The following DNAH11 variants were observed in gnomAD, a reference collection of about 807,000 sequenced individuals.
DNAH11 encodes dynein axonemal heavy chain 11, also known as axonemal beta dynein heavy chain 11.
DNAH11 carries 442 observed loss-of-function variants against 526.0 expected under a neutral mutation model. The observed-to-expected ratio is 0.84, with a 90% CI of 0.78 to 0.91. The LOEUF is 0.91. Ranked by LOEUF, DNAH11 falls within the 40% of genes least tolerant of loss-of-function variation. DNAH11 has a pLI of 0.00. For synonymous variants in DNAH11, 2,461 were observed against 1,935.9 expected (o/e 1.27, Z -7.12); for missense variants, 6,989 against 5,448.7 (o/e 1.28, Z -8.90).
chr7:21,735,671 G>A lies in DNAH11; in HGVS notation c.7472G>A (p.Arg2491His), dbSNP rs369438218. ...TVLVHTTETARLRYFMELLLE... is the reference protein window; with the variant it reads ...TVLVHTTETAHLRYFMELLLE... Reference sequence around the variant, plus strand: ...CTCGTTCACACAACAGAGACAGCTCGTCTTAGATATTTCATGGAGTTGTTG... The same window carrying A: ...CTCGTTCACACAACAGAGACAGCTCATCTTAGATATTTCATGGAGTTGTTG... The change falls in exon 46 of 82, where the codon CGT (arginine) becomes CAT (histidine). Residue 2491 changes from arginine to histidine, a missense_variant. Transcript: ENST00000409508. 9.2e-5 allele frequency: 148 copies of A among 1,606,722 alleles called. No individual in the cohort carries two copies. Among genetic ancestry groups the A allele is most frequent in the African/African-American group, 4.1e-4 (31 of 74,808 alleles).
At chr7:21,594,520 T>C (rs1784800157) in intron 14 of DNAH11, among the ~76,000 whole-genome samples, 1 of 152,046 alleles carries the variant, frequency 6.6e-6, no homozygotes, top group Non-Finnish European at 1.5e-5. Flanking sequence ...AAGATCAAAT[T>C]GGAGCAGGGC....
chr7:21,863,867 T>A (rs1054841958), intron 69 of DNAH11, among the ~76,000 whole-genome samples: 1 of 152,194 alleles, frequency 6.6e-6, no homozygotes, highest in African/African-American at 2.4e-5. Flanking sequence ...ATATCTGGAA[T>A]TTTAAGATAA....
intron 64 of DNAH11, among the ~76,000 whole-genome samples, chr7:21,817,936 A>C (rs897197333): frequency 6.6e-6 from 1 of 152,188 alleles, no homozygotes; most frequent in Non-Finnish European, 1.5e-5. Context: ...ACTTACACTT[A>C]TTTCAACTAC....
At chr7:21,756,876 G>T (rs375945909) in intron 54 of DNAH11, among the ~76,000 whole-genome samples, 3 of 152,144 alleles carry the variant, frequency 2.0e-5, no homozygotes, top group African/African-American at 7.2e-5. Context: ...AATGTGGCAC[G>T]TGTCTTCCTT....
chr7:21,572,796 G>C (rs1783943759), intron 8 of DNAH11, among the ~76,000 whole-genome samples: 1 of 152,176 alleles, frequency 6.6e-6, no homozygotes, highest in East Asian at 1.9e-4. Flanking sequence ...GTTAATGGTA[G>C]AAGGACACTG....
chr7:21,793,122 C>A (rs1050159868), intron 61 of DNAH11, among the ~76,000 whole-genome samples: 1 of 152,150 alleles, frequency 6.6e-6, no homozygotes, highest in Non-Finnish European at 1.5e-5. Flanking sequence ...TTCTTAATGT[C>A]ATTGACCAAC....
intron 21 of DNAH11, among the ~76,000 whole-genome samples, chr7:21,615,733 T>C (rs1441556673): frequency 6.6e-6 from 1 of 152,090 alleles, no homozygotes; most frequent in Non-Finnish European, 1.5e-5. Flanking sequence ...GAATGAGGCA[T>C]ATTGCAACAA....
In DNAH11 at chr7:21,704,590, G is replaced by A; in HGVS notation, c.6430G>A (p.Glu2144Lys). ...FEQMVRQSTLELRLQPEESFI... is the reference protein window; with the variant it reads ...FEQMVRQSTLKLRLQPEESFI... ...ACAGATGGTCAGGCAGTCTACCCTG[G>A]AGCTCCGCCTGCAGCCTGAAGAGAG... The change falls in exon 38 of 82, where the codon GAG (glutamate) becomes AAG (lysine). Residue 2144 changes from glutamate to lysine, a missense_variant. Glu to Lys is a moderately conservative substitution (Grantham distance 56). Coordinates refer to ENST00000409508, the MANE Select transcript of DNAH11 (RefSeq NM_001277115.2). 1.2e-6 allele frequency: 2 copies of A among 1,611,052 alleles called. No homozygotes were observed. The highest frequency in any genetic ancestry group is 1.7e-4 in the Middle Eastern group (1 of 6,050).
At position 21,892,304 on chromosome 7, in the gene DNAH11, C is replaced by T. The variant is rs1459387007; in HGVS notation, c.12508-121C>T. ...GTTGATTATAAAACAGTTTAGGGAGCCTGCTACCCAGACAGCATTGTGCTG... is the reference window on the plus strand; with the variant it reads ...GTTGATTATAAAACAGTTTAGGGAGTCTGCTACCCAGACAGCATTGTGCTG... On this transcript the variant is annotated intron_variant, in intron 76 of 81. Coordinates refer to ENST00000409508, the MANE Select transcript of DNAH11 (RefSeq NM_001277115.2). The T allele has an allele frequency of 9.4e-6, 13 of 1,386,218 alleles. No individual in the cohort carries two copies. The South Asian group carries it at 1.9e-4, about 20-fold the overall frequency. 85.9% of individuals were successfully genotyped at this position (1,386,218 alleles called of 1,614,324 possible). A position where few individuals can be genotyped will look rare whatever the true frequency, so the allele number is the denominator to read the frequency against.
chr7:21,546,296 C>T (rs75922691), intron 2 of DNAH11, among the ~76,000 whole-genome samples: 3,894 of 152,318 alleles, frequency 0.026, 177 homozygotes, highest in African/African-American at 0.088. Flanking sequence ...GGTTTCCCTT[C>T]GCTCCTGTTG....
chr7:21,769,161 C>G (rs1159134797), intron 55 of DNAH11, among the ~76,000 whole-genome samples: 1 of 152,142 alleles, frequency 6.6e-6, no homozygotes, highest in Non-Finnish European at 1.5e-5. Flanking sequence ...CCACATTTAT[C>G]TTGATTCTGC....
intron 66 of DNAH11, among the ~76,000 whole-genome samples, chr7:21,846,723 A>G (rs908456934): frequency 1.2e-4 from 18 of 152,122 alleles, no homozygotes; most frequent in African/African-American, 4.3e-4. Context: ...TGCTTGCCCT[A>G]TAGAATGAGA....
intron 55 of DNAH11, among the ~76,000 whole-genome samples, chr7:21,771,693 C>G (rs1369878063): frequency 6.6e-6 from 1 of 152,050 alleles, no homozygotes; most frequent in African/African-American, 2.4e-5. Flanking sequence ...TGCTAAATGA[C>G]TATAAGTGGT....
intron 52 of DNAH11, among the ~76,000 whole-genome samples, 159 bp downstream of exon 52, chr7:21,748,901 G>T (rs915416740): frequency 1.3e-5 from 2 of 152,116 alleles, no homozygotes; most frequent in African/African-American, 4.8e-5. Flanking sequence ...GACCTTTGGC[G>T]GTTTTGCCTT....
chr7:21,863,575 C>T (rs1434195312), intron 69 of DNAH11, among the ~76,000 whole-genome samples: 1 of 152,144 alleles, frequency 6.6e-6, no homozygotes, highest in Admixed American at 6.5e-5. Flanking sequence ...ATCTGCCCGC[C>T]TCTGCCTCCG....
At chr7:21,789,526 T>G (rs1331230121) in intron 61 of DNAH11, among the ~76,000 whole-genome samples, 184 bp downstream of exon 61, 2 of 152,106 alleles carry the variant, frequency 1.3e-5, no homozygotes, top group African/African-American at 4.8e-5. Flanking sequence ...TGGTAGATGC[T>G]GAACTGGGAA....
At chr7:21,739,479 T>C in intron 47 of DNAH11, 92 bp from the exon 48 acceptor site, 1 of 848,648 alleles carries the variant, frequency 1.2e-6, no homozygotes, top group Non-Finnish European at 1.9e-6. Flanking sequence ...GATAAGGAGG[T>C]AATCTGCGAT....
At chr7:21,581,173 G>A (rs1267941418) in intron 8 of DNAH11, among the ~76,000 whole-genome samples, 2 of 152,172 alleles carry the variant, frequency 1.3e-5, no homozygotes, top group East Asian at 1.9e-4. Context: ...GTACTTCAGA[G>A]GCCTTTTGAC....
At chr7:21,594,200 T>C (rs936277607) in intron 14 of DNAH11, among the ~76,000 whole-genome samples, 5 of 152,096 alleles carry the variant, frequency 3.3e-5, no homozygotes, top group African/African-American at 1.2e-4. Context: ...AATTTTCTCA[T>C]GTGTAAAATG....
Sources: gnomAD v4.1 joint callset for allele counts (sites outside exome capture counted in the v4.1 genomes callset) on GRCh38, gnomAD v4.1.1 for gene constraint, MANE v1.5 for transcripts, NCBI Gene and HGNC (gene_info 2026-07-23, HGNC 2026-07-21) for gene names.